MAST4: variants seen among roughly 807,000 people sequenced by gnomAD.
MAST4 encodes the protein microtubule associated serine/threonine kinase family member 4.
A neutral mutation model predicts 162.7 loss-of-function variants in MAST4; 89 were observed. The ratio of observed to expected loss-of-function variants is 0.55; its 90% CI spans 0.46 to 0.65. The LOEUF (loss-of-function observed/expected upper bound fraction) is 0.65, where lower values mean the gene tolerates loss of function less well. MAST4 is among the 30% of genes least tolerant of loss of function. MAST4 has a pLI of 0.00. For synonymous variants in MAST4, 1,479 were observed against 1,361.1 expected (o/e 1.09, Z -1.91); for missense variants, 3,153 against 3,374.0 (o/e 0.93, Z 1.62).
intron 4 of MAST4, among the ~76,000 whole-genome samples, chr5:67,040,430 T>G (rs1340076719): frequency 6.6e-6 from 1 of 152,178 alleles, no homozygotes; most frequent in Admixed American, 6.6e-5. Flanking sequence ...GAGAATACAC[T>G]GTGGAGGAAG....
At chr5:66,848,978 G>A (rs966769408) in intron 3 of MAST4, among the ~76,000 whole-genome samples, 2 of 152,186 alleles carry the variant, frequency 1.3e-5, no homozygotes, top group Non-Finnish European at 2.9e-5. Context: ...TGCATCATGA[G>A]TTAAAGCGAT....
chr5:67,067,096 T>C (rs1760337260), intron 5 of MAST4, among the ~76,000 whole-genome samples: 1 of 152,234 alleles, frequency 6.6e-6, no homozygotes, highest in Non-Finnish European at 1.5e-5. Context: ...TGTCACACTT[T>C]TGTTCCTGCC....
chr5:66,930,446 C>T (rs911775700), intron 4 of MAST4, among the ~76,000 whole-genome samples: 1 of 152,114 alleles, frequency 6.6e-6, no homozygotes, highest in Non-Finnish European at 1.5e-5. Context: ...AGGGAAATTA[C>T]CTGGCTTTCC....
At chr5:66,605,530 T>G (rs1742827933) in intron 1 of MAST4, among the ~76,000 whole-genome samples, 1 of 152,198 alleles carries the variant, frequency 6.6e-6, no homozygotes, top group Non-Finnish European at 1.5e-5. Flanking sequence ...CCTTATATTT[T>G]GGTACTTTAC....
At chr5:67,117,511 A>T (rs1037040828) in intron 12 of MAST4, among the ~76,000 whole-genome samples, 10 of 151,812 alleles carry the variant, frequency 6.6e-5, no homozygotes, top group African/African-American at 2.4e-4. Context: ...CTAAGAAATA[A>T]TTTTTTAATT....
intron 4 of MAST4, among the ~76,000 whole-genome samples, chr5:67,036,056 TTCC>T (rs751135809): frequency 3.9e-5 from 6 of 152,060 alleles, no homozygotes; most frequent in Non-Finnish European, 8.8e-5. Context: ...CCAACATCCA[TTCC>T]CTTTCCTGGG....
intron 7 of MAST4, 43 bp downstream of exon 7, chr5:67,095,718 A>C (rs1347079084): frequency 2.8e-6 from 4 of 1,412,716 alleles, no homozygotes; most frequent in African/African-American, 2.9e-5. Context: ...TCCTCACAAC[A>C]ACAGAGCTAT....
At chr5:66,723,773 C>T (rs1751355138) in intron 1 of MAST4, among the ~76,000 whole-genome samples, 1 of 152,128 alleles carries the variant, frequency 6.6e-6, no homozygotes, top group African/African-American at 2.4e-5. Context: ...AAATTTTTCT[C>T]ACCCAGATCA....
chr5:66,845,863 C>A lies in MAST4; in HGVS notation c.643-54088C>A, dbSNP rs35845489. Among the ~76,000 whole-genome samples the A allele has an allele frequency of 7.5e-3, 1,143 of 152,138 alleles. 9 individuals are homozygous for A. Among genetic ancestry groups the A allele is most frequent in the South Asian group, 0.037 (180 of 4,816 alleles). ...AATAAATAGACATTTATTTATTGGGCAGTATATATTTGGCCCTCTTCTGTG... is the reference window on the plus strand; with the variant it reads ...AATAAATAGACATTTATTTATTGGGAAGTATATATTTGGCCCTCTTCTGTG... On this transcript the variant is annotated intron_variant, in intron 3 of 28. Transcript: ENST00000403625.
chr5:67,130,117 TA>T, intron 14 of MAST4, 92 bp from the exon 15 acceptor site: 2 of 1,232,842 alleles, frequency 1.6e-6, no homozygotes, highest in Non-Finnish European at 1.1e-6. Context: ...TGAGAACTTT[TA>T]AAAAGTTGAT....
intron 4 of MAST4, among the ~76,000 whole-genome samples, chr5:66,927,322 T>C (rs1292388722): frequency 1.3e-5 from 2 of 152,236 alleles, no homozygotes; most frequent in Admixed American, 6.5e-5. Flanking sequence ...ATTATTTACT[T>C]GTACTCTTGT....
chr5:67,027,937 C>G (rs1435718759), intron 4 of MAST4, among the ~76,000 whole-genome samples: 1 of 152,132 alleles, frequency 6.6e-6, no homozygotes, highest in Non-Finnish European at 1.5e-5. Flanking sequence ...AGTTGAGCAC[C>G]TTCCATGTGT....
chr5:66,986,411 T>C, intron 4 of MAST4: 1 of 1,394,506 alleles, frequency 7.2e-7, no homozygotes, highest in Non-Finnish European at 9.9e-7. Flanking sequence ...ATGTGCATCA[T>C]ATCACTCTGT....
At position 67,164,445 on chromosome 5, in the gene MAST4, G is replaced by A. The variant is rs1341001081; in HGVS notation, c.5266G>A (p.Val1756Ile). 9.9e-6 allele frequency: 16 copies of A among 1,613,908 alleles called. No individual in the cohort carries two copies. Among genetic ancestry groups the A allele is most frequent in the Non-Finnish European group, 1.4e-5 (16 of 1,179,906 alleles). Residue 1756 changes from valine (V) to isoleucine (I), a missense_variant, in exon 29 of 29, where the codon GTT (valine) becomes ATT (isoleucine). Val to Ile is a conservative substitution (Grantham distance 29). Transcript: ENST00000403625. The surrounding 1 kb of genome is among the most constrained non-coding windows in gnomAD (Gnocchi z 5.3). ...AGCTCAGATGAGTGCCGTCTCTTTT[G>A]TTCCCCTCAAGGCCTTAACAGGCCG... Reference protein sequence around the residue: ...HAAQMSAVSFVPLKALTGRVD... With the variant: ...HAAQMSAVSFIPLKALTGRVD...
chr5:67,099,431 A>G (rs1200404496), intron 7 of MAST4, among the ~76,000 whole-genome samples: 2 of 152,066 alleles, frequency 1.3e-5, no homozygotes, highest in East Asian at 1.9e-4. Context: ...AGCTTTAGGC[A>G]TTAATTTCTA....
Position 67,152,824 on chromosome 5 carries a change from T to C in MAST4, c.3483T>C (p.Tyr1161=). The change falls in exon 25 of 29, where the codon TAT becomes TAC. Residue 1161 remains tyrosine, a synonymous_variant. Coordinates refer to ENST00000403625, the MANE Select transcript of MAST4 (RefSeq NM_001164664.2). The part of the protein sequence containing the change: ...YGFTIRAIRV[Y]VGDSDIYTVH... ...TTACCATCCGAGCCATCCGGGTGTATGTGGGAGACAGTGACATCTATACAG... is the reference window on the plus strand; with the variant it reads ...TTACCATCCGAGCCATCCGGGTGTACGTGGGAGACAGTGACATCTATACAG... 4 of 1,614,054 alleles carry C rather than the reference T, an allele frequency of 2.5e-6. No homozygotes were observed. Among genetic ancestry groups the C allele is most frequent in the Non-Finnish European group, 3.4e-6 (4 of 1,179,892 alleles).
At chr5:67,011,566 C>T (rs758835378) in intron 4 of MAST4, among the ~76,000 whole-genome samples, 2 of 152,172 alleles carry the variant, frequency 1.3e-5, no homozygotes, top group Non-Finnish European at 2.9e-5. Context: ...TCCTGACCGC[C>T]TCTCCCCCAG....
chr5:67,121,505 T>C (rs1767582064), intron 14 of MAST4, among the ~76,000 whole-genome samples: 1 of 151,874 alleles, frequency 6.6e-6, no homozygotes, highest in South Asian at 2.1e-4. Context: ...AAAATTAGCC[T>C]GTATTTCATG....
rs1762371161 is a variant in MAST4 at position 66,891,644 on chromosome 5, T to C, written c.643-8307T>C. 2.0e-5 allele frequency among the ~76,000 whole-genome samples: 3 copies of C among 152,190 alleles called. No individual in the cohort carries two copies. In the South Asian group the frequency reaches 6.2e-4, roughly 31 times the overall value. ...TTCCTGATCTCTGTTCCAGCCATGT[T>C]GTTTCCTGAGTGTGTTCTGTTTCAC... On this transcript the variant is annotated intron_variant, in intron 3 of 28. Transcript: ENST00000403625.
Sources: allele counts gnomAD v4.1 joint callset (sites outside exome capture counted in the v4.1 genomes callset), GRCh38; gene constraint gnomAD v4.1.1; non-coding constraint Gnocchi (gnomAD v3.1); transcripts MANE v1.5; gene names NCBI Gene and HGNC (gene_info 2026-07-23, HGNC 2026-07-21).